Variants in GRIN3A observed in about 807,000 individuals in gnomAD.
GRIN3A encodes the protein glutamate receptor ionotropic, NMDA 3A.
GRIN3A carries 47 observed loss-of-function variants against 92.4 expected under a neutral mutation model. That is an observed-to-expected ratio of 0.51 (90% CI 0.40 to 0.65). The LOEUF (loss-of-function observed/expected upper bound fraction) is 0.65, where lower values mean the gene tolerates loss of function less well. Ranked by LOEUF, GRIN3A falls within the 30% of genes least tolerant of loss-of-function variation. GRIN3A has a pLI of 0.00. For synonymous variants in GRIN3A, 527 were observed against 540.6 expected (o/e 0.97, Z 0.35); for missense variants, 1,324 against 1,393.1 (o/e 0.95, Z 0.79).
intron 8 of GRIN3A, among the ~76,000 whole-genome samples, chr9:101,576,370 C>G (rs1373443916): frequency 6.6e-6 from 1 of 152,068 alleles, no homozygotes; most frequent in East Asian, 1.9e-4. Context: ...GAAATGTGAG[C>G]CCAAGCTAAA....
chr9:101,610,727 T>C (rs559201751), intron 6 of GRIN3A, among the ~76,000 whole-genome samples: 5 of 152,090 alleles, frequency 3.3e-5, no homozygotes, highest in Non-Finnish European at 4.4e-5. Context: ...CAGATTTCAG[T>C]TGGGAGTTTA....
At chr9:101,577,690 G>T in intron 8 of GRIN3A, 78 bp downstream of exon 8, 2 of 1,071,092 alleles carry the variant, frequency 1.9e-6, no homozygotes, top group South Asian at 1.2e-5. Flanking sequence ...GCCCTGATTT[G>T]ATCTGAATAA....
rs146703817 is a variant in GRIN3A at position 101,656,555 on chromosome 9, C to A, written c.2352+13505G>T. On this transcript the variant is annotated intron_variant, in intron 3 of 8. Coordinates refer to ENST00000361820, the MANE Select transcript of GRIN3A (RefSeq NM_133445.3). ...TGGAAACTGACCTATAGCTTTGCTT[C>A]TCTGATTGTATTGTGCAGAATACAC... Among the ~76,000 whole-genome samples, 820 of 151,954 alleles carry A rather than the reference C, an allele frequency of 5.4e-3. 5 individuals carry two copies. The highest frequency in any genetic ancestry group is 8.7e-3 in the Non-Finnish European group (588 of 67,864).
chr9:101,601,087 CT>C (rs1040790408), intron 6 of GRIN3A: 7 of 152,296 alleles, frequency 4.6e-5, no homozygotes, highest in Admixed American at 1.3e-4. Flanking sequence ...TAGAGGAAGA[CT>C]TTTTTCTTTC....
intron 1 of GRIN3A, among the ~76,000 whole-genome samples, chr9:101,700,003 G>T (rs151326113): frequency 6.6e-6 from 1 of 152,010 alleles, no homozygotes; most frequent in Non-Finnish European, 1.5e-5. Flanking sequence ...TCCCTTTCCT[G>T]CCTCATTCTC....
chr9:101,592,903 G>C (rs1828052761), intron 6 of GRIN3A: 1 of 152,102 alleles, frequency 6.6e-6, no homozygotes, highest in African/African-American at 2.4e-5. Flanking sequence ...GGGAGAGTAT[G>C]TTTCATTGTT....
intron 3 of GRIN3A, among the ~76,000 whole-genome samples, chr9:101,640,796 T>C (rs1828848404): frequency 6.6e-6 from 1 of 152,176 alleles, no homozygotes; most frequent in South Asian, 2.1e-4. Flanking sequence ...CTCTGCCTGC[T>C]GCGATCCACG....
rs551036427 is a variant in GRIN3A, at chr9:101,686,417, T to A, written c.1304+179A>T. On this transcript the variant is annotated intron_variant, in intron 2 of 8. Transcript: ENST00000361820. ...TACCATGTACTTACAAGTTTATAGA[T>A]CAAATTACAGATAGCAGATCATGAA... Among the ~76,000 whole-genome samples the A allele has an allele frequency of 2.6e-5, 4 of 152,242 alleles. No homozygotes were observed. In the East Asian group the frequency reaches 7.7e-4, roughly 29 times the overall value.
intron 5 of GRIN3A, among the ~76,000 whole-genome samples, chr9:101,615,959 C>T (rs1162493930): frequency 2.0e-5 from 3 of 152,182 alleles, no homozygotes; most frequent in East Asian, 1.9e-4. Flanking sequence ...CCCAGTTCTC[C>T]CTTATGGTGC....
chr9:101,723,279 C>A (rs1830037345), intron 1 of GRIN3A, among the ~76,000 whole-genome samples: 1 of 151,980 alleles, frequency 6.6e-6, no homozygotes, highest in African/African-American at 2.4e-5. Context: ...CTGGTGGGTT[C>A]ATGGTCTCGC....
chr9:101,690,721 A>G (rs921793227), intron 1 of GRIN3A, among the ~76,000 whole-genome samples: 1 of 152,176 alleles, frequency 6.6e-6, no homozygotes, highest in Non-Finnish European at 1.5e-5. Context: ...CACATTAGAA[A>G]ATGTCATTTT....
At chr9:101,641,480 G>C (rs1414937817) in intron 3 of GRIN3A, among the ~76,000 whole-genome samples, 2 of 152,074 alleles carry the variant, frequency 1.3e-5, no homozygotes, top group East Asian at 3.9e-4. Flanking sequence ...GTCCTTTGTA[G>C]GGACATGGAT....
At position 101,600,972 on chromosome 9, in the gene GRIN3A, A is replaced by G. The variant is rs1168377000; in HGVS notation, c.2766+12404T>C. 3.9e-5 allele frequency: 6 copies of G among 152,274 alleles called. No homozygotes were observed. In the East Asian group the frequency reaches 1.2e-3, roughly 29 times the overall value. The allele number at this position is 152,274 out of a possible 1,614,324, so 9.4% of individuals were successfully genotyped here. ...GAGTGAATTGAGGCATTAAAGAATT[A>G]TAATTAATAATACAAGATGGACAAC... On this transcript the variant is annotated intron_variant, in intron 6 of 8. Coordinates refer to ENST00000361820, the MANE Select transcript of GRIN3A (RefSeq NM_133445.3).
intron 6 of GRIN3A, chr9:101,594,629 A>G: frequency 1.2e-6 from 2 of 1,614,188 alleles, no homozygotes; most frequent in South Asian, 2.2e-5. Flanking sequence ...CATGTCGTAA[A>G]TGCTGAACGC....
chr9:101,649,130 C>G (rs1815492176), intron 3 of GRIN3A, among the ~76,000 whole-genome samples: 1 of 152,028 alleles, frequency 6.6e-6, no homozygotes, highest in African/African-American at 2.4e-5. Context: ...AACTATATTG[C>G]TGTCCTGCCA....
intron 3 of GRIN3A, among the ~76,000 whole-genome samples, chr9:101,632,131 C>T (rs1450587538): frequency 6.6e-6 from 1 of 152,172 alleles, no homozygotes; most frequent in African/African-American, 2.4e-5. Context: ...TTTGCTTGGT[C>T]AGAGCTCTTG....
chr9:101,680,091 A>G (rs947056493), intron 2 of GRIN3A, among the ~76,000 whole-genome samples: 1 of 152,234 alleles, frequency 6.6e-6, no homozygotes, highest in Admixed American at 6.5e-5. Flanking sequence ...GAATGACCTT[A>G]GACATACTAC....
At chr9:101,610,858 G>A (rs1828357174) in intron 6 of GRIN3A, among the ~76,000 whole-genome samples, 1 of 152,052 alleles carries the variant, frequency 6.6e-6, no homozygotes, top group South Asian at 2.1e-4. Flanking sequence ...CAGCACTTTG[G>A]GAGGCCGAGG....
At chr9:101,723,507 T>C (rs1394626533) in intron 1 of GRIN3A, among the ~76,000 whole-genome samples, 2 of 152,132 alleles carry the variant, frequency 1.3e-5, no homozygotes, top group African/African-American at 4.8e-5. Context: ...AGAACAAAGC[T>C]TCCACAGTGT....
Sources: allele counts gnomAD v4.1 joint callset (sites outside exome capture counted in the v4.1 genomes callset), GRCh38; gene constraint gnomAD v4.1.1; transcripts MANE v1.5; gene names NCBI Gene and HGNC (gene_info 2026-07-23, HGNC 2026-07-21).